Variants in ANKS1B observed in about 807,000 individuals in gnomAD.
The protein encoded by ANKS1B is ankyrin repeat and sterile alpha motif domain-containing protein 1B.
ANKS1B carries 36 observed loss-of-function variants against 148.3 expected under a neutral mutation model. That is an observed-to-expected ratio of 0.24 (90% CI 0.19 to 0.32). The LOEUF is 0.32. Ranked by LOEUF, ANKS1B falls within the 10% of genes least tolerant of loss-of-function variation. The probability of loss-of-function intolerance (pLI) is 1.00; values close to 1 mark genes in which losing one functional copy is unlikely to be tolerated. For missense variants in ANKS1B, 1,157 were observed against 1,542.6 expected (o/e 0.75, Z 4.19); for synonymous variants, 542 against 560.8 (o/e 0.97, Z 0.47).
chr12:98,938,865 T>C (rs2099828122), intron 17 of ANKS1B, among the ~76,000 whole-genome samples: 1 of 152,182 alleles, frequency 6.6e-6, no homozygotes, highest in Non-Finnish European at 1.5e-5. Context: ...AACGTGAAAA[T>C]GTGCTTACCA....
intron 14 of ANKS1B, among the ~76,000 whole-genome samples, chr12:99,158,490 AG>A (rs1318971438): frequency 6.6e-6 from 1 of 152,174 alleles, no homozygotes; most frequent in Non-Finnish European, 1.5e-5. Flanking sequence ...TAATAATTCT[AG>A]GGGTTTTACT....
At chr12:99,574,003 A>T (rs1317465006) in intron 9 of ANKS1B, among the ~76,000 whole-genome samples, 1 of 152,044 alleles carries the variant, frequency 6.6e-6, no homozygotes, top group Non-Finnish European at 1.5e-5. Flanking sequence ...GATAGTCACT[A>T]ATTTCCCCCA....
At chr12:99,601,277 T>C (rs541839670) in intron 9 of ANKS1B, among the ~76,000 whole-genome samples, 1 of 152,228 alleles carries the variant, frequency 6.6e-6, no homozygotes, top group African/African-American at 2.4e-5. Context: ...ATTTTTAACC[T>C]GTGTAAATTT....
chr12:99,128,705 TG>T (rs1477393726), intron 15 of ANKS1B, among the ~76,000 whole-genome samples: 1 of 152,194 alleles, frequency 6.6e-6, no homozygotes, highest in African/African-American at 2.4e-5. Context: ...TATAGCATTA[TG>T]AGAAATTTTC....
At chr12:99,359,230 C>T (rs763876377) in intron 12 of ANKS1B, among the ~76,000 whole-genome samples, 3 of 152,094 alleles carry the variant, frequency 2.0e-5, no homozygotes, top group Non-Finnish European at 4.4e-5. Context: ...ATAATTCAGG[C>T]ACTTGATACA....
intron 17 of ANKS1B, among the ~76,000 whole-genome samples, chr12:99,002,421 A>G (rs924519795): frequency 6.6e-6 from 1 of 152,090 alleles, no homozygotes; most frequent in African/African-American, 2.4e-5. Flanking sequence ...GTGTTTTGAT[A>G]TATGCATACA....
chr12:99,732,512 T>A lies in ANKS1B; in HGVS notation c.1128+40410A>T, dbSNP rs116044170. ...AGCCAGGCACAAAAGACTGTATGATTCTATTTGTATGAAATTCTAGAAAAA... is the reference window on the plus strand; with the variant it reads ...AGCCAGGCACAAAAGACTGTATGATACTATTTGTATGAAATTCTAGAAAAA... On this transcript the variant is annotated intron_variant, in intron 8 of 26. Coordinates refer to ENST00000683438, the MANE Select transcript of ANKS1B (RefSeq NM_001352186.2). Among the ~76,000 whole-genome samples the A allele has an allele frequency of 2.9e-3, 437 of 152,266 alleles. 3 individuals carry two copies. Among genetic ancestry groups the A allele is most frequent in the African/African-American group, 0.01 (423 of 41,550 alleles).
intron 17 of ANKS1B, among the ~76,000 whole-genome samples, chr12:98,902,819 T>C (rs2099773922): frequency 6.6e-6 from 1 of 152,208 alleles, no homozygotes; most frequent in Non-Finnish European, 1.5e-5. Context: ...TTCACCCTAG[T>C]ACAAATTCAT....
At chr12:99,699,190 G>T (rs768506005) in intron 8 of ANKS1B, among the ~76,000 whole-genome samples, 1 of 152,122 alleles carries the variant, frequency 6.6e-6, no homozygotes, top group African/African-American at 2.4e-5. Context: ...ATACGTGTGT[G>T]TGCATGTGTG....
intron 9 of ANKS1B, among the ~76,000 whole-genome samples, chr12:99,616,982 G>C (rs1162520679): frequency 1.3e-5 from 2 of 152,036 alleles, no homozygotes; most frequent in African/African-American, 2.4e-5. Context: ...GTGGGTAAAG[G>C]ATAGGAAAAG....
intron 24 of ANKS1B, among the ~76,000 whole-genome samples, chr12:98,779,563 C>G (rs951601398): frequency 1.3e-5 from 2 of 151,860 alleles, no homozygotes; most frequent in Admixed American, 6.6e-5. Context: ...GCTTTCCAAG[C>G]ATAAATGGGA....
At chr12:99,621,352 G>A (rs570440305) in intron 9 of ANKS1B, among the ~76,000 whole-genome samples, 1 of 151,002 alleles carries the variant, frequency 6.6e-6, no homozygotes, top group Non-Finnish European at 1.5e-5. Context: ...AAACTACAAA[G>A]CAACCAGCTA....
chr12:99,207,805 T>A lies in ANKS1B; in HGVS notation c.2419+36537A>T, dbSNP rs145586477. Among the ~76,000 whole-genome samples the A allele has an allele frequency of 5.0e-3, 768 of 152,222 alleles. 13 individuals carry two copies. Among genetic ancestry groups the A allele is most frequent in the South Asian group, 0.048 (232 of 4,816 alleles). ...TAAGGAAGAAAGAGAGTAATTTTTC[T>A]CCTAAGTAGAATGACTAGTTTTTCC... On this transcript the variant is annotated intron_variant, in intron 14 of 26. Coordinates refer to ENST00000683438, the MANE Select transcript of ANKS1B (RefSeq NM_001352186.2).
At chr12:99,961,508 C>T (rs566988029) in intron 1 of ANKS1B, among the ~76,000 whole-genome samples, 3 of 152,182 alleles carry the variant, frequency 2.0e-5, no homozygotes, top group Non-Finnish European at 4.4e-5. Flanking sequence ...CCTGCCTTCC[C>T]CTCATCCTCA....
At chr12:99,368,676 T>C (rs1399012456) in intron 12 of ANKS1B, among the ~76,000 whole-genome samples, 1 of 151,778 alleles carries the variant, frequency 6.6e-6, no homozygotes, top group African/African-American at 2.4e-5. Context: ...ACTGAACATA[T>C]AAAAATTCAC....
chr12:99,792,959 C>T (rs1283965168), intron 4 of ANKS1B, among the ~76,000 whole-genome samples: 1 of 151,972 alleles, frequency 6.6e-6, no homozygotes, highest in Non-Finnish European at 1.5e-5. Flanking sequence ...AAAGACTCCA[C>T]TGAAAAACTA....
intron 17 of ANKS1B, among the ~76,000 whole-genome samples, chr12:98,884,109 T>C (rs2099727187): frequency 6.6e-6 from 1 of 152,208 alleles, no homozygotes; most frequent in Admixed American, 6.5e-5. Flanking sequence ...ATCAAATCTG[T>C]ATCACCTTCA....
intron 12 of ANKS1B, among the ~76,000 whole-genome samples, chr12:99,337,388 C>T (rs963867389): frequency 6.6e-6 from 1 of 151,980 alleles, no homozygotes; most frequent in Admixed American, 6.6e-5. Flanking sequence ...TGATAGAATT[C>T]TGAATACCTT....
intron 1 of ANKS1B, among the ~76,000 whole-genome samples, chr12:99,949,114 A>C (rs760120934): frequency 6.6e-6 from 1 of 152,192 alleles, no homozygotes; most frequent in Non-Finnish European, 1.5e-5. Flanking sequence ...CAGATCAAAA[A>C]TATTTTTCAA....
Sources: gnomAD v4.1 joint callset for allele counts (sites outside exome capture counted in the v4.1 genomes callset) on GRCh38, gnomAD v4.1.1 for gene constraint, MANE v1.5 for transcripts, NCBI Gene and HGNC (gene_info 2026-07-23, HGNC 2026-07-21) for gene names.